COL3A1: variants seen among roughly 807,000 people sequenced by gnomAD.
COL3A1 encodes the protein collagen type III alpha 1 chain.
Under a neutral mutation model 200.9 loss-of-function variants are expected in COL3A1, and 46 were observed. The observed-to-expected ratio is 0.23, with a 90% CI of 0.18 to 0.29. COL3A1 has a LOEUF of 0.29. COL3A1 is among the 10% of genes least tolerant of loss of function. The probability of loss-of-function intolerance (pLI) is 1.00; values close to 1 mark genes in which losing one functional copy is unlikely to be tolerated. For missense variants in COL3A1, 1,367 were observed against 1,917.6 expected (o/e 0.71, Z 5.36); for synonymous variants, 650 against 628.0 (o/e 1.03, Z -0.52).
chr2:189,008,364 C>A (rs747122460), intron 47 of COL3A1: 18 of 563,892 alleles, frequency 3.2e-5, no homozygotes, highest in Non-Finnish European at 5.7e-5. Flanking sequence ...AGGTATCCAT[C>A]GTATCAGAAT....
rs759652192 is a variant in COL3A1 at position 188,991,672 on chromosome 2, C to A, written c.901C>A (p.Pro301Thr). ...ATATTTCAATTTTACTCTGTAGGGT[C>A]CAAGAGGGGCTCCTGGTGAGCGAGG... ...GENGAPGPMGPRGAPGERGRP... is the reference protein window; with the variant it reads ...GENGAPGPMGTRGAPGERGRP... Residue 301 changes from proline (P) to threonine (T), a missense_variant, in exon 13 of 51, where the codon CCA becomes ACA. This residue lies in a region of COL3A1 where 462 missense variants were observed against 681.4 expected (regional missense o/e 0.68). Transcript: ENST00000304636. 2 of 1,613,764 alleles carry A rather than the reference C, an allele frequency of 1.2e-6. No individual in the cohort carries two copies. The highest frequency in any genetic ancestry group is 2.7e-5 in the African/African-American group (2 of 74,866).
Position 188,994,637 on chromosome 2 carries a change from G to A in COL3A1, c.1347+43G>A, listed in dbSNP as rs376659614. On this transcript the variant is annotated intron_variant, in intron 19 of 50. Transcript: ENST00000304636. The surrounding 1 kb of genome is among the most constrained non-coding windows in gnomAD (Gnocchi z 4.5). Reference sequence around the variant, plus strand: ...AGATCTGGTTATTTCTTGAAAAAATGCAACATAATTAGAAAGTAAACAGGT... The same window carrying A: ...AGATCTGGTTATTTCTTGAAAAAATACAACATAATTAGAAAGTAAACAGGT... 4 of 1,613,180 alleles carry A rather than the reference G, an allele frequency of 2.5e-6. No homozygotes were observed. In the African/African-American group the frequency reaches 4.0e-5, roughly 16 times the overall value.
chr2:189,004,317 C>T lies in COL3A1; in HGVS notation c.2884C>T (p.Pro962Ser). The change falls in exon 40 of 51, where the codon CCA (proline) becomes TCA (serine). Residue 962 changes from proline (P) to serine (S), a missense_variant. Pro to Ser is a moderately conservative substitution (Grantham distance 74, BLOSUM62 -1). Coordinates refer to ENST00000304636, the MANE Select transcript of COL3A1 (RefSeq NM_000090.4). ...TGGAGCACGGGGTCTTGCAGGACCA[C>T]CAGGCATGCCAGGTCCTAGGGGAAG... Reference protein sequence around the residue: ...ITGARGLAGPPGMPGPRGSPG... With the variant: ...ITGARGLAGPSGMPGPRGSPG... The T allele has an allele frequency of 6.2e-7, 1 of 1,607,196 alleles. No individual in the cohort carries two copies. Among genetic ancestry groups the T allele is most frequent in the Non-Finnish European group, 8.5e-7 (1 of 1,177,198 alleles).
intron 44 of COL3A1, 64 bp downstream of exon 44, chr2:189,007,054 A>C (rs1223427423): frequency 1.6e-6 from 2 of 1,272,736 alleles, no homozygotes; most frequent in Non-Finnish European, 2.2e-6. Flanking sequence ...TCTACAGTGT[A>C]GGAAATATTT....
chr2:189,005,611 G>C (rs1688568007), intron 41 of COL3A1, 154 bp downstream of exon 41: 1 of 717,202 alleles, frequency 1.4e-6, no homozygotes, highest in Non-Finnish European at 2.5e-6. Context: ...TACAATTTAG[G>C]ATAGACTTAA....
At chr2:188,988,947 A>G (rs1043776301) in intron 7 of COL3A1, among the ~76,000 whole-genome samples, 1 of 151,788 alleles carries the variant, frequency 6.6e-6, no homozygotes, top group African/African-American at 2.4e-5. Flanking sequence ...CAGTTCACTC[A>G]TATCTAATCT....
intron 1 of COL3A1, among the ~76,000 whole-genome samples, chr2:188,976,566 G>A (rs1479704138): frequency 6.6e-6 from 1 of 152,070 alleles, no homozygotes; most frequent in Admixed American, 6.6e-5. Flanking sequence ...AAAGTTACAG[G>A]AGGTATCTGA....
At chr2:188,992,044 T>G in intron 13 of COL3A1, 140 bp from the exon 14 acceptor site, 2 of 824,754 alleles carry the variant, frequency 2.4e-6, no homozygotes, top group South Asian at 1.4e-5. Context: ...ATAATTGACT[T>G]TAAAATACAT....
In COL3A1 at chr2:189,003,736, T is replaced by C. The variant is rs1474368726; in HGVS notation, c.2610T>C (p.Gly870=). The stretch of plus-strand genomic sequence containing the variant: ...AAAAATATATTACCATTTCACAGGG[T>C]GCTGCTGGCTTCCCTGGTGCTCGTG... ...KGERGSPGGP[G]AAGFPGARGL... Residue 870 remains glycine, a splice_region_variant and synonymous_variant, in exon 38 of 51, where the codon GGT becomes GGC. Transcript: ENST00000304636. 6.2e-7 allele frequency: 1 copy of C among 1,614,028 alleles called. No individual in the cohort carries two copies. Among genetic ancestry groups the C allele is most frequent in the Admixed American group, 1.7e-5 (1 of 60,018 alleles).
At chr2:188,974,634 G>T (rs536582127) in intron 1 of COL3A1, 66 bp downstream of exon 1, 3 of 1,275,146 alleles carry the variant, frequency 2.4e-6, no homozygotes, top group African/African-American at 2.9e-5. Context: ...ACAAAGAGGG[G>T]TGTAAAGGGG....
rs1553509243 is a variant in COL3A1 at position 189,004,384 on chromosome 2, A to G, written c.2931+20A>G. 1 of 1,566,948 alleles carries G rather than the reference A, an allele frequency of 6.4e-7. No homozygotes were observed. ...GTCAAGGTGAGTATAGTCATTTTCC[A>G]CTACACTCTTCCTTCCTTTGGTAGC... On this transcript the variant is annotated intron_variant, in intron 40 of 50. Coordinates refer to ENST00000304636, the MANE Select transcript of COL3A1 (RefSeq NM_000090.4).
Position 188,994,931 on chromosome 2 carries a change from T to C in COL3A1, c.1455+100T>C, listed in dbSNP as rs1261889482. ...CAGCCAATTTTTCTTAAGTTGAGTGTTCAGTGAAAATATTGTTTAAAGCAT... is the reference window on the plus strand; with the variant it reads ...CAGCCAATTTTTCTTAAGTTGAGTGCTCAGTGAAAATATTGTTTAAAGCAT... On this transcript the variant is annotated intron_variant, in intron 20 of 50. Transcript: ENST00000304636. The surrounding 1 kb of genome is among the most constrained non-coding windows in gnomAD (Gnocchi z 4.5). The C allele has an allele frequency of 1.9e-6, 3 of 1,548,588 alleles. No individual in the cohort carries two copies. Among genetic ancestry groups the C allele is most frequent in the Non-Finnish European group, 8.9e-7 (1 of 1,121,282 alleles).
intron 41 of COL3A1, chr2:189,005,699 A>C (rs1016646985): frequency 1.9e-6 from 1 of 515,918 alleles, no homozygotes; most frequent in Non-Finnish European, 3.5e-6. Flanking sequence ...ATTAGGAAAA[A>C]AGTTAGTGGG....
chr2:188,993,061 T>C, intron 15 of COL3A1, 121 bp downstream of exon 15: 1 of 894,186 alleles, frequency 1.1e-6, no homozygotes, highest in Non-Finnish European at 1.8e-6. Context: ...TCTATACATG[T>C]CTTTAAAGCC....
chr2:188,979,489 T>C (rs747417596), intron 1 of COL3A1, among the ~76,000 whole-genome samples: 1 of 151,886 alleles, frequency 6.6e-6, no homozygotes, highest in Admixed American at 6.6e-5. Context: ...TTTTTGTATA[T>C]AGCAAAATGT....
chr2:188,990,469 A>G (rs1688163874), intron 10 of COL3A1, 109 bp downstream of exon 10: 3 of 923,796 alleles, frequency 3.2e-6, no homozygotes, highest in Non-Finnish European at 5.1e-6. Context: ...TCTGACAATT[A>G]ATTAATTTGA....
chr2:188,986,934 C>A, intron 4 of COL3A1, 125 bp from the exon 5 acceptor site: 1 of 783,526 alleles, frequency 1.3e-6, no homozygotes, highest in Non-Finnish European at 2.2e-6. Flanking sequence ...GAATACATAC[C>A]ACATCTTTTG....
intron 4 of COL3A1, among the ~76,000 whole-genome samples, chr2:188,986,291 C>A (rs1296969135): frequency 6.6e-6 from 1 of 152,008 alleles, no homozygotes; most frequent in Admixed American, 6.6e-5. Context: ...CCAAATAAAT[C>A]TGCAGGTAAA....
rs560478513 is a variant in COL3A1, at chr2:189,010,767, A to C, written c.4131A>C (p.Ala1377=). ...CATATCACTGCAAAAATAGCATTGCATACATGGATCAGGCCAGTGGAAATG... is the reference window on the plus strand; with the variant it reads ...CATATCACTGCAAAAATAGCATTGCCTACATGGATCAGGCCAGTGGAAATG... ...NITYHCKNSI[A]YMDQASGNVK... Residue 1377 remains alanine, a synonymous_variant, in exon 50 of 51, where the codon GCA becomes GCC. Coordinates refer to ENST00000304636, the MANE Select transcript of COL3A1 (RefSeq NM_000090.4). The C allele has an allele frequency of 1.1e-5, 18 of 1,614,182 alleles. No individual in the cohort carries two copies. The South Asian group carries it at 1.9e-4, about 17-fold the overall frequency.
Sources: gnomAD v4.1 joint callset for allele counts (sites outside exome capture counted in the v4.1 genomes callset) on GRCh38, gnomAD v4.1.1 for gene constraint, gnomAD v4.1.1 regional missense constraint, Gnocchi (gnomAD v3.1) non-coding constraint, MANE v1.5 for transcripts, NCBI Gene and HGNC (gene_info 2026-07-23, HGNC 2026-07-21) for gene names.